The following BMAL2 variants were observed in gnomAD, a reference collection of about 807,000 sequenced individuals.
BMAL2 encodes basic helix-loop-helix ARNT like 2, also known as basic helix-loop-helix ARNT-like protein 2.
the BMAL2 span, among the ~76,000 whole-genome samples, chr12:27,386,831 G>T: frequency 1.3e-5 from 2 of 152,024 alleles, no homozygotes; most frequent in African/African-American, 4.8e-5. Flanking sequence ...GGTTTCGCCA[G>T]TGTTGCCCAG....
the BMAL2 span, among the ~76,000 whole-genome samples, chr12:27,339,343 C>G: frequency 0.068 from 10,391 of 152,232 alleles, 476 homozygotes; most frequent in Non-Finnish European, 0.1. Context: ...ACCACATTTT[C>G]TTTTTCTAGT....
the BMAL2 span, chr12:27,424,099 CTTT>C: frequency 2.0e-5 from 3 of 152,080 alleles, no homozygotes; most frequent in East Asian, 5.8e-4. Context: ...CTACTTGTAT[CTTT>C]TTACTTTTTT....
chr12:27,341,709 C>T, the BMAL2 span, among the ~76,000 whole-genome samples: 8 of 152,288 alleles, frequency 5.3e-5, no homozygotes, highest in African/African-American at 1.4e-4. Flanking sequence ...CAGATATGCT[C>T]GCAGAAAAGA....
chr12:27,349,031 T>A, the BMAL2 span, among the ~76,000 whole-genome samples: 1 of 152,188 alleles, frequency 6.6e-6, no homozygotes, highest in African/African-American at 2.4e-5. Context: ...TTTTGACAGA[T>A]GAGTATAAAC....
the BMAL2 span, chr12:27,400,599 G>A: frequency 6.2e-7 from 1 of 1,613,824 alleles, no homozygotes; most frequent in South Asian, 1.1e-5. Flanking sequence ...AAATATTGTT[G>A]GAATGGAAGA....
At chr12:27,350,962 G>A in the BMAL2 span, among the ~76,000 whole-genome samples, 5 of 147,224 alleles carry the variant, frequency 3.4e-5, no homozygotes, top group African/African-American at 7.5e-5. Flanking sequence ...TTACAGGCAT[G>A]AGCCACCATG....
the BMAL2 span, among the ~76,000 whole-genome samples, chr12:27,414,296 A>G: frequency 6.6e-6 from 1 of 152,218 alleles, no homozygotes; most frequent in Non-Finnish European, 1.5e-5. Context: ...ATCAATATGG[A>G]AACAGTGGAC....
At chr12:27,377,044 T>C in the BMAL2 span, among the ~76,000 whole-genome samples, 1 of 151,302 alleles carries the variant, frequency 6.6e-6, no homozygotes, top group Non-Finnish European at 1.5e-5. Flanking sequence ...CCTCATGAGT[T>C]CTTTGTCAAT....
the BMAL2 span, among the ~76,000 whole-genome samples, chr12:27,362,404 T>C: frequency 6.6e-6 from 1 of 152,214 alleles, no homozygotes; most frequent in Non-Finnish European, 1.5e-5. Flanking sequence ...TCACGATCAC[T>C]GGTAAAATTA....
chr12:27,376,087 A>G, the BMAL2 span, among the ~76,000 whole-genome samples: 1 of 152,222 alleles, frequency 6.6e-6, no homozygotes, highest in East Asian at 1.9e-4. Context: ...GTAGCACACT[A>G]ATTATTGTTC....
chr12:27,392,057 T>C, the BMAL2 span, among the ~76,000 whole-genome samples: 6,134 of 152,292 alleles, frequency 0.04, 153 homozygotes, highest in Middle Eastern at 0.071. Context: ...TCCATATCTT[T>C]AACACAGGAA....
chr12:27,370,047 A>T, the BMAL2 span: 2 of 984,032 alleles, frequency 2.0e-6, no homozygotes, highest in Non-Finnish European at 3.2e-6. Context: ...ACAGTAGGCT[A>T]CTTTCTCCAC....
the BMAL2 span, among the ~76,000 whole-genome samples, chr12:27,350,731 G>A: frequency 6.6e-6 from 1 of 152,050 alleles, no homozygotes; most frequent in Non-Finnish European, 1.5e-5. Flanking sequence ...CCAGGCTGAA[G>A]TGCAGTGGCT....
chr12:27,385,643 C>A, the BMAL2 span: 2 of 913,718 alleles, frequency 2.2e-6, no homozygotes, highest in Admixed American at 2.0e-5. Context: ...CCATTTGCTT[C>A]CTGTTCTAAA....
the BMAL2 span, among the ~76,000 whole-genome samples, chr12:27,367,702 A>G: frequency 6.6e-6 from 1 of 152,142 alleles, no homozygotes; most frequent in East Asian, 1.9e-4. Context: ...ACTTGAGTGT[A>G]CACAATTAGT....
the BMAL2 span, among the ~76,000 whole-genome samples, chr12:27,407,659 C>G: frequency 1.2e-4 from 19 of 152,066 alleles, no homozygotes; most frequent in Non-Finnish European, 1.9e-4. Context: ...CTAAAATTGA[C>G]ACCCTAAAAT....
At chr12:27,375,467 A>G in the BMAL2 span, among the ~76,000 whole-genome samples, 2 of 152,224 alleles carry the variant, frequency 1.3e-5, no homozygotes, top group South Asian at 4.1e-4. Flanking sequence ...ATTATATACT[A>G]TGATCTGAGT....
the BMAL2 span, chr12:27,401,375 T>C: frequency 1.0e-4 from 161 of 1,595,622 alleles, 1 homozygote; most frequent in Admixed American, 2.6e-3. Flanking sequence ...TAGGTATGCA[T>C]TGAGCAGAAT....
At chr12:27,371,518 G>C in the BMAL2 span, among the ~76,000 whole-genome samples, 1 of 152,120 alleles carries the variant, frequency 6.6e-6, no homozygotes, top group African/African-American at 2.4e-5. Flanking sequence ...CACTTAGAGG[G>C]GGGTGAGCTA....
Sources: allele counts gnomAD v4.1 joint callset (sites outside exome capture counted in the v4.1 genomes callset), GRCh38; gene constraint gnomAD v4.1.1; transcripts MANE v1.5; gene names NCBI Gene and HGNC (gene_info 2026-07-23, HGNC 2026-07-21).